The following THSD7A variants were observed in gnomAD, a reference collection of about 807,000 sequenced individuals.
The protein encoded by THSD7A is thrombospondin type-1 domain-containing protein 7A.
Under a neutral mutation model 231.3 loss-of-function variants are expected in THSD7A, and 96 were observed. That is an observed-to-expected ratio of 0.41 (90% CI 0.35 to 0.49). The LOEUF (loss-of-function observed/expected upper bound fraction) is 0.49. Ranked by LOEUF, THSD7A falls within the 20% of genes least tolerant of loss-of-function variation. The pLI is 0.05. For synonymous variants in THSD7A, 940 were observed against 743.3 expected, an observed-to-expected ratio of 1.26 and a Z score of -4.30; for missense variants, 2,290 against 2,070.2, an observed-to-expected ratio of 1.11 and a Z score of -2.06.
chr7:11,590,723 G>C lies in THSD7A; in HGVS notation c.1272-82C>G. On this transcript the variant is annotated intron_variant, in intron 3 of 27. Transcript: ENST00000423059. The surrounding 1 kb of genome is among the most constrained non-coding windows in gnomAD (Gnocchi z 4.4). Reference sequence around the variant, plus strand: ...TACTCCTGTCATACTTTGTTTTAACGAAAATTAGTCTCAAAATCATTTTCC... The same window carrying C: ...TACTCCTGTCATACTTTGTTTTAACCAAAATTAGTCTCAAAATCATTTTCC... 7.0e-7 allele frequency: 1 copy of C among 1,425,974 alleles called. No homozygotes were observed. The highest frequency in any genetic ancestry group is 2.7e-5 in the Admixed American group (1 of 37,196). 88.3% of individuals were successfully genotyped at this position (1,425,974 alleles called of 1,614,324 possible).
Position 11,444,233 on chromosome 7 carries a change from A to G in THSD7A, c.3064+1828T>C, listed in dbSNP as rs1011414217. ...TAAATTAGTTCAACCATTGTGGAAGACAGTGTGGCGATTCCTCAAGGATCT... is the reference window on the plus strand; with the variant it reads ...TAAATTAGTTCAACCATTGTGGAAGGCAGTGTGGCGATTCCTCAAGGATCT... On this transcript the variant is annotated intron_variant, in intron 13 of 27. Transcript: ENST00000423059. This position sits in a 1 kb window ranked among gnomAD's most constrained non-coding sequence, Gnocchi z 4.2. Among the ~76,000 whole-genome samples, 1 of 152,102 alleles carries G rather than the reference A, an allele frequency of 6.6e-6. No individual in the cohort carries two copies. The highest frequency in any genetic ancestry group is 6.6e-5 in the Admixed American group (1 of 15,256).
chr7:11,669,335 T>C (rs1783280635), intron 1 of THSD7A, among the ~76,000 whole-genome samples: 1 of 151,990 alleles, frequency 6.6e-6, no homozygotes, highest in Non-Finnish European at 1.5e-5. Flanking sequence ...AATATTTAAA[T>C]CATTAATTTA....
Position 11,379,233 on chromosome 7 carries a change from A to C in THSD7A, c.4638T>G (p.Ser1546=). Residue 1546 remains serine (S), a synonymous_variant, in exon 26 of 28, where the codon TCT becomes TCG. Coordinates refer to ENST00000423059, the MANE Select transcript of THSD7A (RefSeq NM_015204.3). The part of the protein sequence containing the change: ...CEEGYTEVMS[S]NSTLEQCTLI... ...GTGTGCATTGCTCAAGGGTGCTGTT[A>C]GAAGACATGACTTCAGTGTACCCTT... 1 of 1,613,674 alleles carries C rather than the reference A, an allele frequency of 6.2e-7. No individual in the cohort carries two copies. Among genetic ancestry groups the C allele is most frequent in the African/African-American group, 1.3e-5 (1 of 75,024 alleles).
chr7:11,371,969 C>T lies in THSD7A; in HGVS notation c.*3825G>A, dbSNP rs904814134. On this transcript the variant is annotated 3_prime_UTR_variant, in exon 28 of 28. Coordinates refer to ENST00000423059, the MANE Select transcript of THSD7A (RefSeq NM_015204.3). ...ATAGCTGTCAAGAGTAGAAAGAGAC[C>T]AAGCAGAGAAAATCAGAAAGGGCCA... is the stretch of plus-strand genomic sequence containing the variant. The T allele has an allele frequency of 6.6e-6, 1 of 151,158 alleles. No individual in the cohort carries two copies. The highest frequency in any genetic ancestry group is 2.4e-5 in the African/African-American group (1 of 41,078). The allele number at this position is 151,158 out of a possible 1,614,324, so 9.4% of individuals were successfully genotyped here.
At chr7:11,627,430 T>C (rs1415580670) in intron 2 of THSD7A, among the ~76,000 whole-genome samples, 1 of 152,074 alleles carries the variant, frequency 6.6e-6, no homozygotes, top group East Asian at 1.9e-4. Context: ...TAAATATATA[T>C]GTGTTGGTAT....
At chr7:11,510,213 G>A (rs1374701358) in intron 6 of THSD7A, among the ~76,000 whole-genome samples, 2 of 152,118 alleles carry the variant, frequency 1.3e-5, no homozygotes, top group Non-Finnish European at 1.5e-5. Flanking sequence ...ACCCTCCCAA[G>A]ACTAAACCAG....
Position 11,636,297 on chromosome 7 carries a change from C to T in THSD7A, c.855G>A (p.Lys285=). 5 of 1,613,952 alleles carry T rather than the reference C, an allele frequency of 3.1e-6. No homozygotes were observed. Among genetic ancestry groups the T allele is most frequent in the Non-Finnish European group, 4.2e-6 (5 of 1,179,898 alleles). Reference sequence around the variant, plus strand: ...GATCCTTTACTCCTTTGCTGCGGTCCTTTTCCCGTTCTTTATTCTTCCCGC... The same window carrying T: ...GATCCTTTACTCCTTTGCTGCGGTCTTTTTCCCGTTCTTTATTCTTCCCGC... ...RRRGKNKERE[K]DRSKGVKDPE... The change falls in exon 2 of 28, where the codon AAG becomes AAA. Residue 285 remains lysine (K), a synonymous_variant. Transcript: ENST00000423059. This position sits in a 1 kb window ranked among gnomAD's most constrained non-coding sequence, Gnocchi z 10.0.
intron 1 of THSD7A, among the ~76,000 whole-genome samples, chr7:11,804,049 G>A (rs977078364): frequency 6.6e-6 from 1 of 152,022 alleles, no homozygotes; most frequent in Non-Finnish European, 1.5e-5. Context: ...AGTAATGGAT[G>A]TTATTAAAAT....
intron 1 of THSD7A, among the ~76,000 whole-genome samples, chr7:11,658,875 C>T (rs73292688): frequency 2.6e-4 from 40 of 151,746 alleles, no homozygotes; most frequent in African/African-American, 8.9e-4. Context: ...GTAAGATGTA[C>T]TGTATCTTAA....
In THSD7A at chr7:11,590,849, C is replaced by T. The variant is rs1472934014; in HGVS notation, c.1272-208G>A. Among the ~76,000 whole-genome samples the T allele has an allele frequency of 1.3e-5, 2 of 152,118 alleles. No individual in the cohort carries two copies. The highest frequency in any genetic ancestry group is 2.9e-5 in the Non-Finnish European group (2 of 68,034). On this transcript the variant is annotated intron_variant, in intron 3 of 27. Transcript: ENST00000423059. The surrounding 1 kb of genome is among the most constrained non-coding windows in gnomAD (Gnocchi z 4.4). ...AACGAGGGGTTAAATTTAGGGTGAT[C>T]CTGTTTCAATTGCAATTACTGGAAG...
At chr7:11,776,789 C>G (rs1242077279) in intron 1 of THSD7A, among the ~76,000 whole-genome samples, 1 of 152,064 alleles carries the variant, frequency 6.6e-6, no homozygotes, top group Non-Finnish European at 1.5e-5. Flanking sequence ...ATATGAAAAA[C>G]CTAACATTGA....
chr7:11,530,800 C>A (rs2128319249), intron 6 of THSD7A, among the ~76,000 whole-genome samples: 1 of 152,238 alleles, frequency 6.6e-6, no homozygotes, highest in South Asian at 2.1e-4. Flanking sequence ...CACTTGAGGT[C>A]AGGAGTTTGA....
chr7:11,414,536 G>A (rs1387845688), intron 17 of THSD7A, among the ~76,000 whole-genome samples: 1 of 152,192 alleles, frequency 6.6e-6, no homozygotes, highest in Non-Finnish European at 1.5e-5. Flanking sequence ...TTCCCAGCCT[G>A]TCAGGATGGC....
In THSD7A at chr7:11,484,874, A is replaced by ATTTTTTTTTTTTTTTTTTTTTT. The variant is rs56353626; in HGVS notation, c.1823-2914_1823-2893dup. On this transcript the variant is annotated intron_variant, in intron 6 of 27. Transcript: ENST00000423059. ...CTCAACCCACTGAATCACAACCTTAATTTTTTTTTTTTTTTTTTTTTTTTT... is the reference window on the plus strand; with the variant it reads ...CTCAACCCACTGAATCACAACCTTAATTTTTTTTTTTTTTTTTTTTTTTTTTTTTTTTTTTTTTTTTTTTTTT... 2.0e-4 allele frequency among the ~76,000 whole-genome samples: 11 copies of ATTTTTTTTTTTTTTTTTTTTTT among 53,810 alleles called. 3 individuals are homozygous for ATTTTTTTTTTTTTTTTTTTTTT. The highest frequency in any genetic ancestry group is 7.7e-4 in the Admixed American group (2 of 2,590). The allele number at this position is 53,810 out of a possible 152,430, so 35.3% of individuals were successfully genotyped here. A position where few individuals can be genotyped will look rare whatever the true frequency, so the allele number is the denominator to read the frequency against.
chr7:11,597,559 G>A (rs906104289), intron 2 of THSD7A, among the ~76,000 whole-genome samples: 2 of 152,120 alleles, frequency 1.3e-5, no homozygotes, highest in African/African-American at 4.8e-5. Context: ...CCCCATAGGT[G>A]AATCACATCA....
At chr7:11,702,109 C>T (rs1526554) in intron 1 of THSD7A, among the ~76,000 whole-genome samples, 113,854 of 151,084 alleles carry the variant, frequency 0.75, 43,514 homozygotes, top group African/African-American at 0.89. Flanking sequence ...ACTCAGAAAG[C>T]GTATGACTGT....
chr7:11,502,400 A>C (rs1787373869), intron 6 of THSD7A, among the ~76,000 whole-genome samples: 1 of 152,218 alleles, frequency 6.6e-6, no homozygotes, highest in Non-Finnish European at 1.5e-5. Context: ...AAATACTTGC[A>C]AACCAAATCC....
chr7:11,717,434 C>T (rs1384748038), intron 1 of THSD7A, among the ~76,000 whole-genome samples: 1 of 151,692 alleles, frequency 6.6e-6, no homozygotes, highest in Non-Finnish European at 1.5e-5. Context: ...TACCTCTCCT[C>T]ACCACTCCTA....
chr7:11,667,558 A>C (rs1475215826), intron 1 of THSD7A, among the ~76,000 whole-genome samples: 1 of 152,198 alleles, frequency 6.6e-6, no homozygotes, highest in Non-Finnish European at 1.5e-5. Context: ...GGTGGAAAGA[A>C]GAAAAACATC....
Sources: gnomAD v4.1 joint callset for allele counts (sites outside exome capture counted in the v4.1 genomes callset) on GRCh38, gnomAD v4.1.1 for gene constraint, Gnocchi (gnomAD v3.1) non-coding constraint, MANE v1.5 for transcripts, NCBI Gene and HGNC (gene_info 2026-07-23, HGNC 2026-07-21) for gene names.